PIEZO2: variants seen among roughly 807,000 people sequenced by gnomAD.
The protein encoded by PIEZO2 is piezo type mechanosensitive ion channel component 2.
PIEZO2 carries 172 observed loss-of-function variants against 337.3 expected under a neutral mutation model. That is an observed-to-expected ratio of 0.51 (90% CI 0.45 to 0.58). PIEZO2 has a LOEUF of 0.58. PIEZO2 is among the 20% of genes least tolerant of loss of function. The pLI is 0.00. For missense variants in PIEZO2, 3,028 were observed against 3,391.3 expected (o/e 0.89, Z 2.66); for synonymous variants, 1,251 against 1,228.5 (o/e 1.02, Z -0.38).
intron 2 of PIEZO2, among the ~76,000 whole-genome samples, chr18:11,019,147 C>T (rs73396584): frequency 0.015 from 2,291 of 152,318 alleles, 63 homozygotes; most frequent in African/African-American, 0.053. Context: ...TCCAAGGCTA[C>T]CCCAATTCTA....
At chr18:11,079,262 G>T (rs2038652669) in intron 1 of PIEZO2, among the ~76,000 whole-genome samples, 2 of 152,146 alleles carry the variant, frequency 1.3e-5, no homozygotes, top group African/African-American at 2.4e-5. Flanking sequence ...AGGCTGCTTT[G>T]GTATCAGTGT....
At chr18:10,769,249 C>A (rs192460600) in intron 21 of PIEZO2, among the ~76,000 whole-genome samples, 9 of 152,304 alleles carry the variant, frequency 5.9e-5, no homozygotes, top group Admixed American at 5.9e-4. Context: ...ACATTGGAGC[C>A]GCTGCCATTT....
intron 13 of PIEZO2, 50 bp from the exon 14 acceptor site, chr18:10,791,374 T>G (rs1322681852): frequency 7.0e-7 from 1 of 1,436,538 alleles, no homozygotes; most frequent in Non-Finnish European, 9.1e-7. Flanking sequence ...ATTTGGAATG[T>G]AAAAACATTC....
chr18:10,847,232 C>T lies in PIEZO2; in HGVS notation c.917+8121G>A, dbSNP rs905370883. Reference sequence around the variant, plus strand: ...GCTGGCCAGATGACATGACGGCAGCCGGGGCAGGTGACTGCAGGTGAGCTG... The same window carrying T: ...GCTGGCCAGATGACATGACGGCAGCTGGGGCAGGTGACTGCAGGTGAGCTG... On this transcript the variant is annotated intron_variant, in intron 7 of 55. Coordinates refer to ENST00000674853, the MANE Select transcript of PIEZO2 (RefSeq NM_001378183.1). This position sits in a 1 kb window ranked among gnomAD's most constrained non-coding sequence, Gnocchi z 5.7. Among the ~76,000 whole-genome samples, 4 of 152,186 alleles carry T rather than the reference C, an allele frequency of 2.6e-5. No individual in the cohort carries two copies. The highest frequency in any genetic ancestry group is 4.8e-5 in the African/African-American group (2 of 41,442).
Position 10,696,105 on chromosome 18 carries a change from T to A in PIEZO2, c.7159A>T (p.Met2387Leu), listed in dbSNP as rs1246367804. The change falls in exon 47 of 56, where the codon ATG becomes TTG. Residue 2387 changes from methionine (M) to leucine (L), a missense_variant. Physicochemically the swap from Met to Leu is conservative, Grantham distance 15 (BLOSUM62 2). Transcript: ENST00000674853. Reference protein sequence around the residue: ...VILVFGIHFWMFFILPGVTER... With the variant: ...VILVFGIHFWLFFILPGVTER... The stretch of plus-strand genomic sequence containing the variant: ...GTCACACCAGGTAAGATGAAGAACA[T>A]CCAGAAGTGAATTCCGAACACAAGA... 1 of 1,614,020 alleles carries A rather than the reference T, an allele frequency of 6.2e-7. No individual in the cohort carries two copies. Among genetic ancestry groups the A allele is most frequent in the Non-Finnish European group, 8.5e-7 (1 of 1,180,002 alleles).
At position 10,980,383 on chromosome 18, in the gene PIEZO2, T is replaced by C. The variant is rs548696465; in HGVS notation, c.161-723A>G. Among the ~76,000 whole-genome samples the C allele has an allele frequency of 3.3e-5, 5 of 152,110 alleles. No individual in the cohort carries two copies. The highest frequency in any genetic ancestry group is 7.4e-5 in the Non-Finnish European group (5 of 68,010). ...AAAAAAAAAGGAATGGAAGGAAACA[T>C]CCTTAAAGGATTTATAATAAAGCAA... On this transcript the variant is annotated intron_variant, in intron 2 of 55. Transcript: ENST00000674853. This position sits in a 1 kb window ranked among gnomAD's most constrained non-coding sequence, Gnocchi z 4.8.
At chr18:10,921,661 C>G (rs571471838) in intron 3 of PIEZO2, among the ~76,000 whole-genome samples, 2 of 152,244 alleles carry the variant, frequency 1.3e-5, no homozygotes, top group African/African-American at 4.8e-5. Flanking sequence ...AGCAATTGTT[C>G]AGGGAATGAG....
At chr18:10,789,822 T>G (rs2039350757) in intron 14 of PIEZO2, among the ~76,000 whole-genome samples, 1 of 152,014 alleles carries the variant, frequency 6.6e-6, no homozygotes, top group Admixed American at 6.6e-5. Flanking sequence ...AATTTAAGAG[T>G]TACAGCAAAA....
chr18:10,674,320 T>C (rs769962307), intron 54 of PIEZO2, among the ~76,000 whole-genome samples: 1 of 152,258 alleles, frequency 6.6e-6, no homozygotes, highest in African/African-American at 2.4e-5. Flanking sequence ...GCAATCTGCA[T>C]GTCCAGATGA....
chr18:10,921,873 G>T (rs1692812149), intron 3 of PIEZO2, among the ~76,000 whole-genome samples: 2 of 152,018 alleles, frequency 1.3e-5, no homozygotes, highest in African/African-American at 2.4e-5. Context: ...GAGACTGTAG[G>T]GATGAAATAA....
intron 21 of PIEZO2, among the ~76,000 whole-genome samples, chr18:10,764,323 T>C (rs540470348): frequency 5.9e-5 from 9 of 152,270 alleles, no homozygotes; most frequent in Admixed American, 5.9e-4. Context: ...CTAAAAGACA[T>C]AGTTACCTAC....
rs535410343 is a variant in PIEZO2 at position 11,126,261 on chromosome 18, A to G, written c.64+22264T>C. ...AGTTTTTACTATCACAGTTTTGTTT[A>G]TTATTTTCCAGAAATCGGTTTTGGT... On this transcript the variant is annotated intron_variant, in intron 1 of 55. Transcript: ENST00000674853. The surrounding 1 kb of genome is among the most constrained non-coding windows in gnomAD (Gnocchi z 4.6). Among the ~76,000 whole-genome samples, 3 of 152,268 alleles carry G rather than the reference A, an allele frequency of 2.0e-5. No homozygotes were observed. The highest frequency in any genetic ancestry group is 7.2e-5 in the African/African-American group (3 of 41,548).
At chr18:10,797,230 G>A (rs2039641120) in intron 12 of PIEZO2, 144 bp downstream of exon 12, 2 of 604,752 alleles carry the variant, frequency 3.3e-6, no homozygotes, top group African/African-American at 1.9e-5. Flanking sequence ...CATCATATAT[G>A]TACTATCATG....
At chr18:11,049,754 A>G (rs1053262036) in intron 2 of PIEZO2, among the ~76,000 whole-genome samples, 27 of 152,266 alleles carry the variant, frequency 1.8e-4, no homozygotes, top group South Asian at 1.5e-3. Flanking sequence ...GCCTGCCACC[A>G]TGTAAGACAT....
chr18:10,975,529 G>A (rs577511005), intron 3 of PIEZO2, among the ~76,000 whole-genome samples: 1 of 151,926 alleles, frequency 6.6e-6, no homozygotes, highest in African/African-American at 2.4e-5. Flanking sequence ...TCTGCACAAC[G>A]GCACCTTTAA....
rs1160424387 is a variant in PIEZO2 at position 10,962,008 on chromosome 18, ACTCTGTGGG to A, written c.286+17518_286+17526del. ...TGTATAAATTCAGGTGAACTGCTGCACTCTGTGGGCTCTGTGTAAAGCCATCCAGAAATG... is the reference window on the plus strand; with the variant it reads ...TGTATAAATTCAGGTGAACTGCTGCACTCTGTGTAAAGCCATCCAGAAATG... On this transcript the variant is annotated intron_variant, in intron 3 of 55. Coordinates refer to ENST00000674853, the MANE Select transcript of PIEZO2 (RefSeq NM_001378183.1). The surrounding 1 kb of genome is among the most constrained non-coding windows in gnomAD (Gnocchi z 4.1). Among the ~76,000 whole-genome samples the A allele has an allele frequency of 6.6e-6, 1 of 152,062 alleles. No homozygotes were observed. The highest frequency in any genetic ancestry group is 1.5e-5 in the Non-Finnish European group (1 of 68,002).
rs1232901484 is a variant in PIEZO2 at position 11,069,278 on chromosome 18, A to C, written c.65-3056T>G. Reference sequence around the variant, plus strand: ...GATGAACACAGATGCACAAGTACTCAACAAAATGCAAGCAAACCCCACTCG... The same window carrying C: ...GATGAACACAGATGCACAAGTACTCCACAAAATGCAAGCAAACCCCACTCG... On this transcript the variant is annotated intron_variant, in intron 1 of 55. Transcript: ENST00000674853. The surrounding 1 kb of genome is among the most constrained non-coding windows in gnomAD (Gnocchi z 4.9). Among the ~76,000 whole-genome samples the C allele has an allele frequency of 1.3e-5, 2 of 152,176 alleles. No homozygotes were observed. The highest frequency in any genetic ancestry group is 4.8e-5 in the African/African-American group (2 of 41,448).
chr18:11,072,589 C>G (rs2038382689), intron 1 of PIEZO2, among the ~76,000 whole-genome samples: 1 of 152,182 alleles, frequency 6.6e-6, no homozygotes, highest in African/African-American at 2.4e-5. Flanking sequence ...GTGTGACAAG[C>G]CCGGATCTAT....
intron 28 of PIEZO2, 62 bp downstream of exon 28, chr18:10,752,574 T>C (rs2037688875): frequency 1.3e-6 from 2 of 1,497,458 alleles, no homozygotes; most frequent in Non-Finnish European, 1.8e-6. Flanking sequence ...TAATAACCAC[T>C]GAGTGGACTG....
Sources: gnomAD v4.1 joint callset for allele counts (sites outside exome capture counted in the v4.1 genomes callset) on GRCh38, gnomAD v4.1.1 for gene constraint, Gnocchi (gnomAD v3.1) non-coding constraint, MANE v1.5 for transcripts, NCBI Gene and HGNC (gene_info 2026-07-23, HGNC 2026-07-21) for gene names.